The following PLCB1 variants were observed in gnomAD, a reference collection of about 807,000 sequenced individuals.
PLCB1 encodes 1-phosphatidylinositol 4,5-bisphosphate phosphodiesterase beta-1.
PLCB1 carries 46 observed loss-of-function variants against 161.8 expected under a neutral mutation model. The ratio of observed to expected loss-of-function variants is 0.28; its 90% CI spans 0.22 to 0.36. The LOEUF (loss-of-function observed/expected upper bound fraction) is 0.36. Ranked by LOEUF, PLCB1 falls within the 10% of genes least tolerant of loss-of-function variation. The pLI is 1.00. For missense variants in PLCB1, 1,016 were observed against 1,472.5 expected (o/e 0.69, Z 5.07); for synonymous variants, 517 against 503.7 (o/e 1.03, Z -0.35).
At chr20:8,804,467 T>G (rs1053269167) in intron 31 of PLCB1, among the ~76,000 whole-genome samples, 6 of 152,174 alleles carry the variant, frequency 3.9e-5, no homozygotes, top group African/African-American at 1.4e-4. Context: ...AATAAATATT[T>G]CACACTTTTC....
intron 3 of PLCB1, among the ~76,000 whole-genome samples, chr20:8,460,096 T>C (rs1017403162): frequency 2.0e-5 from 3 of 152,196 alleles, no homozygotes; most frequent in Non-Finnish European, 4.4e-5. Flanking sequence ...CAAAAATGAT[T>C]CTACTAAACT....
intron 3 of PLCB1, among the ~76,000 whole-genome samples, chr20:8,436,126 G>A (rs1980289724): frequency 6.6e-6 from 1 of 152,070 alleles, no homozygotes; most frequent in African/African-American, 2.4e-5. Flanking sequence ...ATCAGTTGAG[G>A]CCAGGAGTTC....
intron 3 of PLCB1, among the ~76,000 whole-genome samples, chr20:8,569,799 G>A (rs1032346071): frequency 1.3e-5 from 2 of 152,128 alleles, no homozygotes; most frequent in Non-Finnish European, 1.5e-5. Flanking sequence ...TTTTTCAACA[G>A]CATTAAAAAC....
At chr20:8,671,240 G>A (rs1307600978) in intron 9 of PLCB1, among the ~76,000 whole-genome samples, 1 of 152,164 alleles carries the variant, frequency 6.6e-6, no homozygotes, top group Non-Finnish European at 1.5e-5. Context: ...TTTCTGTGCT[G>A]CAGAGCTCTG....
intron 3 of PLCB1, among the ~76,000 whole-genome samples, chr20:8,449,842 A>AT (rs1424329504): frequency 1.3e-5 from 2 of 152,182 alleles, no homozygotes; most frequent in African/African-American, 2.4e-5. Context: ...TCAAAGTAAG[A>AT]TTTTTTAAAG....
intron 3 of PLCB1, among the ~76,000 whole-genome samples, chr20:8,484,292 T>C (rs1224225191): frequency 6.6e-6 from 1 of 151,918 alleles, no homozygotes; most frequent in Non-Finnish European, 1.5e-5. Flanking sequence ...CCCAAAGTGC[T>C]GGGATTATAG....
At chr20:8,217,448 G>A (rs999354976) in intron 2 of PLCB1, among the ~76,000 whole-genome samples, 30 of 152,122 alleles carry the variant, frequency 2.0e-4, no homozygotes. Context: ...GAGGATGGAA[G>A]GAGGGAGGAC....
chr20:8,506,572 A>G (rs936404746), intron 3 of PLCB1, among the ~76,000 whole-genome samples: 7 of 152,224 alleles, frequency 4.6e-5, no homozygotes, highest in South Asian at 2.1e-4. Flanking sequence ...TAGATATGTT[A>G]AAAAAGACAC....
intron 3 of PLCB1, among the ~76,000 whole-genome samples, chr20:8,464,348 A>C (rs1408476763): frequency 1.3e-5 from 2 of 152,260 alleles, no homozygotes; most frequent in Non-Finnish European, 2.9e-5. Flanking sequence ...TTTATAGCCC[A>C]TTGCTACTTT....
At chr20:8,311,226 A>C (rs1314189386) in intron 2 of PLCB1, among the ~76,000 whole-genome samples, 1 of 152,266 alleles carries the variant, frequency 6.6e-6, no homozygotes, top group Non-Finnish European at 1.5e-5. Flanking sequence ...ATCTGTAAAA[A>C]TAATGTTCTT....
At chr20:8,190,508 G>A (rs1329929273) in intron 2 of PLCB1, among the ~76,000 whole-genome samples, 1 of 152,084 alleles carries the variant, frequency 6.6e-6, no homozygotes, top group Non-Finnish European at 1.5e-5. Flanking sequence ...GTAGCTCTGT[G>A]TTTATGATGG....
chr20:8,644,603 T>A (rs74676896), intron 4 of PLCB1, among the ~76,000 whole-genome samples: 2 of 145,828 alleles, frequency 1.4e-5, no homozygotes, highest in African/African-American at 5.0e-5. Flanking sequence ...GCCTGGCAGC[T>A]GCCCTGTCTG....
At chr20:8,308,972 A>T (rs1002522783) in intron 2 of PLCB1, among the ~76,000 whole-genome samples, 7 of 151,934 alleles carry the variant, frequency 4.6e-5, no homozygotes, top group African/African-American at 1.7e-4. Context: ...AAATCCATAT[A>T]GTTTTTTTTT....
chr20:8,698,633 T>C (rs968179256), intron 11 of PLCB1, among the ~76,000 whole-genome samples: 1 of 152,116 alleles, frequency 6.6e-6, no homozygotes, highest in African/African-American at 2.4e-5. Context: ...ACACATGTTG[T>C]AGGGAGCTGG....
chr20:8,592,033 T>C (rs1363222785), intron 3 of PLCB1, among the ~76,000 whole-genome samples: 1 of 152,230 alleles, frequency 6.6e-6, no homozygotes, highest in Non-Finnish European at 1.5e-5. Context: ...CATATACACC[T>C]TATACATGTA....
intron 3 of PLCB1, among the ~76,000 whole-genome samples, chr20:8,436,786 A>C (rs1409670246): frequency 2.0e-5 from 3 of 151,946 alleles, no homozygotes; most frequent in Non-Finnish European, 4.4e-5. Flanking sequence ...AATTTTATTT[A>C]TTTATTTATT....
chr20:8,722,018 C>T (rs1371000755), intron 14 of PLCB1, among the ~76,000 whole-genome samples: 1 of 152,052 alleles, frequency 6.6e-6, no homozygotes, highest in Non-Finnish European at 1.5e-5. Context: ...AATACATGTA[C>T]CATAGAAAGC....
chr20:8,285,330 A>G (rs1245214879), intron 2 of PLCB1, among the ~76,000 whole-genome samples: 1 of 151,100 alleles, frequency 6.6e-6, no homozygotes, highest in Non-Finnish European at 1.5e-5. Context: ...TCAGGGCTCA[A>G]TCTTTTGAAA....
intron 3 of PLCB1, among the ~76,000 whole-genome samples, chr20:8,568,410 T>C (rs541270898): frequency 5.3e-5 from 8 of 152,160 alleles, no homozygotes; most frequent in Non-Finnish European, 1.0e-4. Context: ...TAAAGCATAA[T>C]GATTAAAGCC....
Sources: gnomAD v4.1 joint callset for allele counts (sites outside exome capture counted in the v4.1 genomes callset) on GRCh38, gnomAD v4.1.1 for gene constraint, MANE v1.5 for transcripts, NCBI Gene and HGNC (gene_info 2026-07-23, HGNC 2026-07-21) for gene names.